The following PDE9A variants were observed in gnomAD, a reference collection of about 807,000 sequenced individuals.
PDE9A encodes high affinity cGMP-specific 3',5'-cyclic phosphodiesterase 9A.
A neutral mutation model predicts 87.4 loss-of-function variants in PDE9A; 60 were observed. The ratio of observed to expected loss-of-function variants is 0.69; its 90% CI spans 0.56 to 0.85. The LOEUF (loss-of-function observed/expected upper bound fraction) is 0.85, where lower values mean the gene tolerates loss of function less well. Among genes scored for constraint, PDE9A ranks in the 40% least tolerant of loss-of-function variants. The pLI is 0.00. For missense variants in PDE9A, 665 were observed against 779.0 expected (o/e 0.85, Z 1.74); for synonymous variants, 272 against 279.4 (o/e 0.97, Z 0.27).
Position 42,732,137 on chromosome 21 carries a change from C to A in PDE9A, c.497+13C>A, listed in dbSNP as rs772270101. On this transcript the variant is annotated intron_variant, in intron 6 of 19. Coordinates refer to ENST00000291539, the MANE Select transcript of PDE9A (RefSeq NM_002606.3). Reference sequence around the variant, plus strand: ...AGCAGTTCTCAAGGTACAGAGTCTTCTAAACTTACAACCAGCCAGAGATGG... The same window carrying A: ...AGCAGTTCTCAAGGTACAGAGTCTTATAAACTTACAACCAGCCAGAGATGG... 1.2e-6 allele frequency: 2 copies of A among 1,612,196 alleles called. No individual in the cohort carries two copies. Among genetic ancestry groups the A allele is most frequent in the Non-Finnish European group, 1.7e-6 (2 of 1,178,604 alleles).
At chr21:42,719,106 C>A (rs1307154204) in intron 4 of PDE9A, among the ~76,000 whole-genome samples, 1 of 151,766 alleles carries the variant, frequency 6.6e-6, no homozygotes, top group African/African-American at 2.4e-5. Context: ...GAGCTGAAAC[C>A]TCTGCCACAC....
chr21:42,764,975 G>A (rs2056222535), intron 14 of PDE9A, among the ~76,000 whole-genome samples: 2 of 136,340 alleles, frequency 1.5e-5, no homozygotes, highest in South Asian at 4.8e-4. Flanking sequence ...TGCTTGTGGG[G>A]TGGGTGGGTG....
At chr21:42,741,873 A>C (rs979478125) in intron 7 of PDE9A, 9 of 152,136 alleles carry the variant, frequency 5.9e-5, no homozygotes, top group African/African-American at 2.2e-4. Flanking sequence ...TTTGCTTTTT[A>C]TTTTTAGCAG....
At chr21:42,676,464 T>A (rs1466198881) in intron 1 of PDE9A, among the ~76,000 whole-genome samples, 2 of 152,232 alleles carry the variant, frequency 1.3e-5, no homozygotes, top group Non-Finnish European at 2.9e-5. Flanking sequence ...CTGGTGAACA[T>A]GAATCTGTTC....
intron 3 of PDE9A, among the ~76,000 whole-genome samples, chr21:42,698,634 G>A (rs739327): frequency 0.54 from 81,287 of 151,908 alleles, 22,245 homozygotes; most frequent in Middle Eastern, 0.66. Flanking sequence ...ACCTGCATCC[G>A]CCAGGTGCTG....
intron 1 of PDE9A, among the ~76,000 whole-genome samples, chr21:42,672,202 C>T (rs912795182): frequency 3.3e-5 from 5 of 152,226 alleles, no homozygotes; most frequent in South Asian, 2.1e-4. Flanking sequence ...GTTATGGCCA[C>T]GAGCCCACCT....
At position 42,751,092 on chromosome 21, in the gene PDE9A, C is replaced by T. The variant is rs773882239; in HGVS notation, c.654-24C>T. 5 of 1,473,940 alleles carry T rather than the reference C, an allele frequency of 3.4e-6. No homozygotes were observed. The East Asian group carries it at 1.1e-4, about 33-fold the overall frequency. 91.3% of individuals were successfully genotyped at this position (1,473,940 alleles called of 1,614,324 possible). On this transcript the variant is annotated intron_variant, in intron 8 of 19. Coordinates refer to ENST00000291539, the MANE Select transcript of PDE9A (RefSeq NM_002606.3). ...CCAGACTGAAACAGCAGGACCACAG[C>T]TCATCTCTGCTCCTTCTCTCTAGGA...
chr21:42,766,843 G>A (rs1477659047), intron 15 of PDE9A, among the ~76,000 whole-genome samples: 1 of 152,172 alleles, frequency 6.6e-6, no homozygotes, highest in Admixed American at 6.5e-5. Flanking sequence ...AGGCCCCGCC[G>A]ATGCCTTCCT....
chr21:42,690,036 C>T (rs1194095060), intron 3 of PDE9A: 4 of 985,058 alleles, frequency 4.1e-6, no homozygotes, highest in East Asian at 2.3e-4. Context: ...TGGAGACAGA[C>T]GCGGATGAGG....
chr21:42,732,234 C>A, intron 6 of PDE9A, 110 bp downstream of exon 6: 2 of 1,043,924 alleles, frequency 1.9e-6, no homozygotes, highest in Non-Finnish European at 2.9e-6. Flanking sequence ...GCGTGGCTGT[C>A]TCACCTGCCT....
At chr21:42,762,270 T>C (rs1173985069) in intron 14 of PDE9A, 31 bp downstream of exon 14, 1 of 1,605,120 alleles carries the variant, frequency 6.2e-7, no homozygotes, top group Admixed American at 1.7e-5. Context: ...CCCACCGGAG[T>C]GGGGGCACAT....
chr21:42,750,411 T>C (rs1294441534), intron 8 of PDE9A, among the ~76,000 whole-genome samples: 1 of 152,040 alleles, frequency 6.6e-6, no homozygotes, highest in Non-Finnish European at 1.5e-5. Context: ...TTCCAGAGTA[T>C]GGGATTTAGG....
At chr21:42,758,316 C>A (rs2055293594) in intron 10 of PDE9A, 1 of 152,194 alleles carries the variant, frequency 6.6e-6, no homozygotes, top group African/African-American at 2.4e-5. Flanking sequence ...AAATCTATTT[C>A]AACTTGAACA....
intron 16 of PDE9A, 41 bp from the exon 17 acceptor site, chr21:42,768,986 A>G (rs199729438): frequency 6.3e-7 from 1 of 1,580,766 alleles, no homozygotes; most frequent in African/African-American, 1.3e-5. Flanking sequence ...GTTATGGGGC[A>G]TTTCTGTCTC....
chr21:42,704,141 C>T lies in PDE9A; in HGVS notation c.262+5130C>T, dbSNP rs1291968005. On this transcript the variant is annotated intron_variant, in intron 4 of 19. Transcript: ENST00000291539. This position sits in a 1 kb window ranked among gnomAD's most constrained non-coding sequence, Gnocchi z 5.3. ...TTCTGCTGGGCTGGGCAAGACTTCC[C>T]TCTTCAGAGAGGATGAGCGGCCACA... Among the ~76,000 whole-genome samples the T allele has an allele frequency of 2.0e-5, 3 of 152,228 alleles. No homozygotes were observed. Among genetic ancestry groups the T allele is most frequent in the Non-Finnish European group, 2.9e-5 (2 of 68,050 alleles).
At chr21:42,687,576 A>G (rs1414600763) in intron 2 of PDE9A, among the ~76,000 whole-genome samples, 2 of 152,138 alleles carry the variant, frequency 1.3e-5, no homozygotes, top group Non-Finnish European at 1.5e-5. Context: ...AAGACAAACT[A>G]TGAGTTCGTC....
intron 4 of PDE9A, among the ~76,000 whole-genome samples, chr21:42,726,624 A>ATATATATTTTTTTTTTTTTTTTT: frequency 1.0e-4 from 2 of 19,778 alleles, no homozygotes; most frequent in African/African-American, 6.8e-4. Context: ...ATATATATAT[A>ATATATATTTTTTTTTTTTTTTTT]TTTTTTTTTT....
intron 1 of PDE9A, among the ~76,000 whole-genome samples, chr21:42,667,238 C>T (rs938957736): frequency 6.6e-6 from 1 of 152,224 alleles, no homozygotes; most frequent in African/African-American, 2.4e-5. Flanking sequence ...CAACTTCTAG[C>T]AGCCCATAAG....
chr21:42,697,059 A>T (rs182673813), intron 3 of PDE9A, among the ~76,000 whole-genome samples: 1 of 152,112 alleles, frequency 6.6e-6, no homozygotes, highest in East Asian at 1.9e-4. Context: ...GTGGTGGGAG[A>T]TGAGAGGGTG....
Sources: gnomAD v4.1 joint callset for allele counts (sites outside exome capture counted in the v4.1 genomes callset) on GRCh38, gnomAD v4.1.1 for gene constraint, Gnocchi (gnomAD v3.1) non-coding constraint, MANE v1.5 for transcripts, NCBI Gene and HGNC (gene_info 2026-07-23, HGNC 2026-07-21) for gene names.